The following SV2B variants were observed in gnomAD, a reference collection of about 807,000 sequenced individuals.
SV2B encodes the protein solute carrier family 22 member B2.
SV2B carries 41 observed loss-of-function variants against 73.9 expected under a neutral mutation model. The observed-to-expected ratio is 0.56, with a 90% CI of 0.43 to 0.72. SV2B has a LOEUF of 0.72. Ranked by LOEUF, SV2B falls within the 30% of genes least tolerant of loss-of-function variation. SV2B has a pLI of 0.00. For synonymous variants in SV2B, 314 were observed against 314.2 expected (o/e 1.00, Z 0.01); for missense variants, 764 against 857.8 (o/e 0.89, Z 1.37).
intron 5 of SV2B, among the ~76,000 whole-genome samples, chr15:91,259,490 G>T (rs1246454098): frequency 1.3e-5 from 2 of 152,212 alleles, no homozygotes; most frequent in African/African-American, 2.4e-5. Flanking sequence ...GCAACAGGGA[G>T]TTTTGCACCC....
chr15:91,301,307 C>A lies in SV2B; in HGVS notation c.*8755C>A, dbSNP rs1447170288. 3 of 152,140 alleles carry A rather than the reference C, an allele frequency of 2.0e-5. No individual in the cohort carries two copies. The highest frequency in any genetic ancestry group is 4.4e-5 in the Non-Finnish European group (3 of 67,998). 9.4% of individuals were successfully genotyped at this position (152,140 alleles called of 1,614,324 possible). The stretch of plus-strand genomic sequence containing the variant: ...TGCTATAAATGTGAACTGACAAAAC[C>A]CACTTTTGGTCTCTCTTCATATTTT... On this transcript the variant is annotated 3_prime_UTR_variant, in exon 13 of 13. Transcript: ENST00000394232. This position sits in a 1 kb window ranked among gnomAD's most constrained non-coding sequence, Gnocchi z 4.3.
chr15:91,114,260 A>G (rs925333421), intron 1 of SV2B, among the ~76,000 whole-genome samples: 1 of 151,732 alleles, frequency 6.6e-6, no homozygotes, highest in African/African-American at 2.4e-5. Flanking sequence ...TGTTAGAGGA[A>G]CATGGAGAGG....
chr15:91,143,206 C>T (rs575833370), intron 1 of SV2B, among the ~76,000 whole-genome samples: 1 of 152,246 alleles, frequency 6.6e-6, no homozygotes, highest in South Asian at 2.1e-4. Flanking sequence ...ATGGGAGGTA[C>T]CCACATAGGG....
At chr15:91,109,230 T>C (rs181089075) in intron 1 of SV2B, among the ~76,000 whole-genome samples, 1 of 152,344 alleles carries the variant, frequency 6.6e-6, no homozygotes, top group African/African-American at 2.4e-5. Context: ...TCTGCATAGA[T>C]GCAAGAGAAG....
rs1447164695 is a variant in SV2B at position 91,281,950 on chromosome 15, G to C, written c.1507+89G>C. 7.1e-7 allele frequency: 1 copy of C among 1,417,354 alleles called. No homozygotes were observed. Among genetic ancestry groups the C allele is most frequent in the Non-Finnish European group, 9.4e-7 (1 of 1,060,856 alleles). 87.8% of individuals were successfully genotyped at this position (1,417,354 alleles called of 1,614,324 possible). A position where few individuals can be genotyped will look rare whatever the true frequency, so the allele number is the denominator to read the frequency against. On this transcript the variant is annotated intron_variant, in intron 10 of 12. Coordinates refer to ENST00000394232, the MANE Select transcript of SV2B (RefSeq NM_001323032.3). This position sits in a 1 kb window ranked among gnomAD's most constrained non-coding sequence, Gnocchi z 4.7. ...TCAAAATGGTCAGGCATAAACTTTA[G>C]GAGTAGGAAAGTATTCGTAGATACA...
intron 9 of SV2B, among the ~76,000 whole-genome samples, chr15:91,270,977 G>GAGGA (rs2048289243): frequency 6.6e-6 from 1 of 151,020 alleles, no homozygotes; most frequent in African/African-American, 2.5e-5. Flanking sequence ...TGGATGATGG[G>GAGGA]CGGACGGTGA....
At position 91,267,568 on chromosome 15, in the gene SV2B, C is replaced by T; in HGVS notation, c.1133C>T (p.Ala378Val). 1 of 1,613,272 alleles carries T rather than the reference C, an allele frequency of 6.2e-7. No individual in the cohort carries two copies. The highest frequency in any genetic ancestry group is 8.5e-7 in the Non-Finnish European group (1 of 1,179,602). ...KTIFKQVWDNALYCVMGPYRM... is the reference protein window; with the variant it reads ...KTIFKQVWDNVLYCVMGPYRM... Reference sequence around the variant, plus strand: ...TATGGGTTGTAGGTCTGGGATAATGCCCTGTACTGTGTGATGGGGCCCTAC... The same window carrying T: ...TATGGGTTGTAGGTCTGGGATAATGTCCTGTACTGTGTGATGGGGCCCTAC... The change falls in exon 8 of 13, where the codon GCC becomes GTC. Residue 378 changes from alanine (A) to valine (V), a missense_variant. Physicochemically the swap from Ala to Val is moderately conservative, Grantham distance 64. Coordinates refer to ENST00000394232, the MANE Select transcript of SV2B (RefSeq NM_001323032.3). The surrounding 1 kb of genome is among the most constrained non-coding windows in gnomAD (Gnocchi z 4.3).
rs1416813136 is a variant in SV2B at position 91,129,422 on chromosome 15, G to A, written c.-392+29059G>A. On this transcript the variant is annotated intron_variant, in intron 1 of 12. Coordinates refer to ENST00000394232, the MANE Select transcript of SV2B (RefSeq NM_001323032.3). This position sits in a 1 kb window ranked among gnomAD's most constrained non-coding sequence, Gnocchi z 5.1. ...TCAATTGTCCGGAGATGGAACTGGGGGAGGAAGGAGCATTGAGGCTGAGTC... is the reference window on the plus strand; with the variant it reads ...TCAATTGTCCGGAGATGGAACTGGGAGAGGAAGGAGCATTGAGGCTGAGTC... 1.3e-5 allele frequency among the ~76,000 whole-genome samples: 2 copies of A among 152,354 alleles called. No individual in the cohort carries two copies. Among genetic ancestry groups the A allele is most frequent in the African/African-American group, 4.8e-5 (2 of 41,574 alleles).
chr15:91,202,188 G>T (rs1483848863), intron 1 of SV2B, among the ~76,000 whole-genome samples: 1 of 152,004 alleles, frequency 6.6e-6, no homozygotes, highest in Non-Finnish European at 1.5e-5. Context: ...TTAAATTTCT[G>T]CCTAGCACTC....
At chr15:91,168,939 A>T (rs11638199) in intron 1 of SV2B, among the ~76,000 whole-genome samples, 9,971 of 152,220 alleles carry the variant, frequency 0.066, 429 homozygotes, top group Non-Finnish European at 0.089. Context: ...ACATCATCAG[A>T]CTTGTCCATG....
chr15:91,260,177 A>G lies in SV2B; in HGVS notation c.919-143A>G, dbSNP rs144848457. ...GGTCTTTCACAGGTCCTAGATGGTAATGAGTCCATGTGCAATTGCCTCAGA... is the reference window on the plus strand; with the variant it reads ...GGTCTTTCACAGGTCCTAGATGGTAGTGAGTCCATGTGCAATTGCCTCAGA... On this transcript the variant is annotated intron_variant, in intron 5 of 12. Coordinates refer to ENST00000394232, the MANE Select transcript of SV2B (RefSeq NM_001323032.3). 1.4e-4 allele frequency: 91 copies of G among 630,088 alleles called. No homozygotes were observed. In the East Asian group the frequency reaches 1.7e-3, roughly 12 times the overall value. 39.0% of individuals were successfully genotyped at this position (630,088 alleles called of 1,614,324 possible).
rs1299748908 is a variant in SV2B at position 91,296,972 on chromosome 15, T to C, written c.*4420T>C. On this transcript the variant is annotated 3_prime_UTR_variant, in exon 13 of 13. Coordinates refer to ENST00000394232, the MANE Select transcript of SV2B (RefSeq NM_001323032.3). The stretch of plus-strand genomic sequence containing the variant: ...TTCTGCCCGATTGTTGGGAGCACGC[T>C]CCTTCTGCCCGATCGTTGGGCGCAC... The C allele has an allele frequency of 6.7e-6, 1 of 148,800 alleles. No homozygotes were observed. The highest frequency in any genetic ancestry group is 1.5e-5 in the Non-Finnish European group (1 of 68,272). 9.2% of individuals were successfully genotyped at this position (148,800 alleles called of 1,614,324 possible).
At position 91,214,135 on chromosome 15, in the gene SV2B, G is replaced by A. The variant is rs1259686807; in HGVS notation, c.-391-11738G>A. Among the ~76,000 whole-genome samples, 1 of 152,204 alleles carries A rather than the reference G, an allele frequency of 6.6e-6. No homozygotes were observed. Among genetic ancestry groups the A allele is most frequent in the South Asian group, 2.1e-4 (1 of 4,826 alleles). Reference sequence around the variant, plus strand: ...CTCATGACTACTGGGAAGTGGACCGGTTCCGGATCTCTAGAGGAGGGAGCT... The same window carrying A: ...CTCATGACTACTGGGAAGTGGACCGATTCCGGATCTCTAGAGGAGGGAGCT... On this transcript the variant is annotated intron_variant, in intron 1 of 12. Transcript: ENST00000394232. The surrounding 1 kb of genome is among the most constrained non-coding windows in gnomAD (Gnocchi z 4.7).
At chr15:91,120,551 T>C (rs1366069944) in intron 1 of SV2B, among the ~76,000 whole-genome samples, 3 of 152,100 alleles carry the variant, frequency 2.0e-5, no homozygotes, top group African/African-American at 7.2e-5. Context: ...GTGGCTCACA[T>C]GCCTGTAATC....
At chr15:91,248,277 T>C (rs201804662) in intron 2 of SV2B, among the ~76,000 whole-genome samples, 264 of 152,198 alleles carry the variant, frequency 1.7e-3, no homozygotes, top group East Asian at 7.2e-3. Context: ...GCCGAGATCG[T>C]GCCACTACAC....
Position 91,252,593 on chromosome 15 carries a change from C to T in SV2B, c.784+73C>T. Reference sequence around the variant, plus strand: ...CTGCACCCAAACAATAGTTCCTGTCCTCAGCCTTATTCCATGTACTCACGC... The same window carrying T: ...CTGCACCCAAACAATAGTTCCTGTCTTCAGCCTTATTCCATGTACTCACGC... On this transcript the variant is annotated intron_variant, in intron 4 of 12. Transcript: ENST00000394232. This position sits in a 1 kb window ranked among gnomAD's most constrained non-coding sequence, Gnocchi z 4.6. The T allele has an allele frequency of 6.8e-7, 1 of 1,473,008 alleles. No homozygotes were observed. Among genetic ancestry groups the T allele is most frequent in the Non-Finnish European group, 9.0e-7 (1 of 1,108,748 alleles). 91.2% of individuals were successfully genotyped at this position (1,473,008 alleles called of 1,614,324 possible). A position where few individuals can be genotyped will look rare whatever the true frequency, so the allele number is the denominator to read the frequency against.
intron 5 of SV2B, among the ~76,000 whole-genome samples, chr15:91,259,728 C>A (rs906143979): frequency 6.6e-6 from 1 of 152,172 alleles, no homozygotes; most frequent in Non-Finnish European, 1.5e-5. Context: ...CTGCAACACT[C>A]CAGTCGTGGC....
intron 1 of SV2B, among the ~76,000 whole-genome samples, chr15:91,126,456 G>A (rs1403764182): frequency 6.6e-6 from 1 of 152,230 alleles, no homozygotes; most frequent in African/African-American, 2.4e-5. Context: ...AGAGAGACCT[G>A]TGGCTGCAGG....
At chr15:91,175,752 T>C in intron 1 of SV2B, among the ~76,000 whole-genome samples, 1 of 151,762 alleles carries the variant, frequency 6.6e-6, no homozygotes, top group East Asian at 1.9e-4. Flanking sequence ...AGATCTAATC[T>C]AATCTTGATA....
Sources: allele counts gnomAD v4.1 joint callset (sites outside exome capture counted in the v4.1 genomes callset), GRCh38; gene constraint gnomAD v4.1.1; non-coding constraint Gnocchi (gnomAD v3.1); transcripts MANE v1.5; gene names NCBI Gene and HGNC (gene_info 2026-07-23, HGNC 2026-07-21).